Variants in SEC14L1 observed in about 807,000 individuals in gnomAD.
SEC14L1 encodes the protein SEC14 like lipid binding 1.
Under a neutral mutation model 85.3 loss-of-function variants are expected in SEC14L1, and 48 were observed. That is an observed-to-expected ratio of 0.56 (90% CI 0.45 to 0.72). The LOEUF is 0.72. Among genes scored for constraint, SEC14L1 ranks in the 30% least tolerant of loss-of-function variants. The probability of loss-of-function intolerance (pLI) is 0.00; values close to 1 mark genes in which losing one functional copy is unlikely to be tolerated. For missense variants in SEC14L1, 682 were observed against 921.4 expected (o/e 0.74, Z 3.36); for synonymous variants, 391 against 355.5 (o/e 1.10, Z -1.12).
intron 10 of SEC14L1, among the ~76,000 whole-genome samples, 172 bp downstream of exon 10, chr17:77,203,830 T>C (rs1344927644): frequency 1.3e-5 from 2 of 152,200 alleles, no homozygotes; most frequent in Admixed American, 1.3e-4. Context: ...ACAGAAGTTA[T>C]AAAAGTGTTT....
chr17:77,101,691 G>T (rs1477918861), intron 3 of SEC14L1, among the ~76,000 whole-genome samples: 1 of 152,218 alleles, frequency 6.6e-6, no homozygotes, highest in Non-Finnish European at 1.5e-5. Context: ...AGATTCGGCA[G>T]TTCTCACAAG....
rs1300708526 is a variant in SEC14L1, at chr17:77,190,967, G to A, written c.213+15G>A. The A allele has an allele frequency of 1.9e-6, 3 of 1,613,000 alleles. No individual in the cohort carries two copies. Among genetic ancestry groups the A allele is most frequent in the Admixed American group, 3.3e-5 (2 of 59,986 alleles). On this transcript the variant is annotated intron_variant, in intron 4 of 16. Transcript: ENST00000436233. ...TGCTGAAGAAGGTAAAGGTCGGAAA[G>A]GACGTCTTGGAGGGAAAGGGCGTCC...
intron 3 of SEC14L1, among the ~76,000 whole-genome samples, chr17:77,099,434 C>T (rs1021852459): frequency 1.5e-4 from 23 of 152,130 alleles, no homozygotes; most frequent in African/African-American, 5.6e-4. Flanking sequence ...GACGAAGCCC[C>T]CCATAAATCC....
chr17:77,176,609 CAG>C (rs1974769568), intron 3 of SEC14L1, among the ~76,000 whole-genome samples: 1 of 152,226 alleles, frequency 6.6e-6, no homozygotes, highest in African/African-American at 2.4e-5. Flanking sequence ...GTTTTTGAGA[CAG>C]AGTCTCGCTC....
chr17:77,141,193 C>T (rs966985369), intron 1 of SEC14L1, 86 bp downstream of exon 1: 1 of 151,914 alleles, frequency 6.6e-6, no homozygotes. Flanking sequence ...GGCGGGCCCC[C>T]CGGAACTCCC....
chr17:77,205,861 T>C (rs648390), intron 11 of SEC14L1, among the ~76,000 whole-genome samples: 146,054 of 152,214 alleles, frequency 0.96, 70,379 homozygotes, highest in East Asian at 1. Flanking sequence ...GCAGTTCAGA[T>C]GCAATATGTG....
At chr17:77,117,275 A>T (rs929808909) in intron 3 of SEC14L1, among the ~76,000 whole-genome samples, 2 of 152,100 alleles carry the variant, frequency 1.3e-5, no homozygotes, top group African/African-American at 4.8e-5. Flanking sequence ...TGAACCCGAG[A>T]GGTGGAGGTT....
intron 3 of SEC14L1, among the ~76,000 whole-genome samples, chr17:77,171,203 A>G (rs1974508598): frequency 1.3e-5 from 2 of 152,212 alleles, no homozygotes; most frequent in Non-Finnish European, 2.9e-5. Context: ...GAGCGGCATC[A>G]CACATAGCCT....
chr17:77,215,218 A>G lies in SEC14L1; in HGVS notation c.*1195A>G. ...TTGTTTGCCTTTTACATTTTGTTTA[A>G]TTCCTGATTTTAAAGCCTGCTCTAT... On this transcript the variant is annotated 3_prime_UTR_variant, in exon 17 of 17. Coordinates refer to ENST00000436233, the MANE Select transcript of SEC14L1 (RefSeq NM_001143998.2). 1.0e-6 allele frequency: 1 copy of G among 985,306 alleles called. No homozygotes were observed. The highest frequency in any genetic ancestry group is 1.2e-6 in the Non-Finnish European group (1 of 829,920). The allele number at this position is 985,306 out of a possible 1,614,324, so 61.0% of individuals were successfully genotyped here.
At chr17:77,136,369 T>C (rs1019738938), upstream of SEC14L1, among the ~76,000 whole-genome samples, 2 of 150,610 alleles carry the variant, frequency 1.3e-5, no homozygotes, top group African/African-American at 4.9e-5. Flanking sequence ...TTTCTTTCTT[T>C]CTCTTTCCTT....
At chr17:77,114,958 G>A (rs957977663) in intron 3 of SEC14L1, among the ~76,000 whole-genome samples, 1 of 151,780 alleles carries the variant, frequency 6.6e-6, no homozygotes, top group Non-Finnish European at 1.5e-5. Flanking sequence ...CAGTTCCTGA[G>A]AAGAGAACTG....
chr17:77,146,567 A>G (rs1239212600), intron 3 of SEC14L1, among the ~76,000 whole-genome samples: 2 of 152,094 alleles, frequency 1.3e-5, no homozygotes, highest in Admixed American at 6.5e-5. Flanking sequence ...GTTCTGAGGT[A>G]GTGGTTAATT....
At chr17:77,179,891 A>T (rs1012961548) in intron 3 of SEC14L1, among the ~76,000 whole-genome samples, 9 of 151,652 alleles carry the variant, frequency 5.9e-5, no homozygotes, top group African/African-American at 1.9e-4. Context: ...GTTAGCCGGG[A>T]TGGTCTTGAT....
At chr17:77,101,653 G>T (rs1300213942) in intron 3 of SEC14L1, among the ~76,000 whole-genome samples, 1 of 152,188 alleles carries the variant, frequency 6.6e-6, no homozygotes, top group East Asian at 1.9e-4. Context: ...GCAGCTTCTG[G>T]TGGTTCTGTG....
At chr17:77,185,757 A>G (rs1433196559) in intron 3 of SEC14L1, among the ~76,000 whole-genome samples, 1 of 152,100 alleles carries the variant, frequency 6.6e-6, no homozygotes, top group Non-Finnish European at 1.5e-5. Flanking sequence ...CAGTGTCCGT[A>G]TAGAACAAAT....
chr17:77,155,422 G>T (rs151240291), intron 3 of SEC14L1, among the ~76,000 whole-genome samples: 2 of 152,100 alleles, frequency 1.3e-5, no homozygotes, highest in African/African-American at 2.4e-5. Context: ...GTGTGGCCCC[G>T]CAGGTACCTT....
intron 3 of SEC14L1, among the ~76,000 whole-genome samples, chr17:77,099,604 A>G (rs890671570): frequency 5.3e-5 from 8 of 152,164 alleles, no homozygotes; most frequent in Non-Finnish European, 2.9e-5. Flanking sequence ...TAAAAATACA[A>G]ATATTACCCG....
chr17:77,138,345 G>T (rs1017554745), upstream of SEC14L1, among the ~76,000 whole-genome samples: 7 of 152,116 alleles, frequency 4.6e-5, no homozygotes, highest in Non-Finnish European at 1.0e-4. Flanking sequence ...TGGTGGGCAG[G>T]GTGCTGTGGT....
chr17:77,195,306 G>GTTTT (rs141600588), intron 7 of SEC14L1, among the ~76,000 whole-genome samples: 31 of 146,344 alleles, frequency 2.1e-4, no homozygotes, highest in African/African-American at 4.7e-4. Context: ...TAAGGAAGGT[G>GTTTT]TTTTTTTTTG....
Sources: gnomAD v4.1 joint callset for allele counts (sites outside exome capture counted in the v4.1 genomes callset) on GRCh38, gnomAD v4.1.1 for gene constraint, MANE v1.5 for transcripts, NCBI Gene and HGNC (gene_info 2026-07-23, HGNC 2026-07-21) for gene names.